Variants in PIK3CB observed in about 807,000 individuals in gnomAD.
PIK3CB encodes the protein phosphatidylinositol-4,5-bisphosphate 3-kinase catalytic subunit beta.
PIK3CB carries 39 observed loss-of-function variants against 136.8 expected under a neutral mutation model. The observed-to-expected ratio is 0.29, with a 90% CI of 0.22 to 0.37. The LOEUF is 0.37. PIK3CB is among the 10% of genes least tolerant of loss of function. The pLI is 1.00. For synonymous variants in PIK3CB, 428 were observed against 436.6 expected (o/e 0.98, Z 0.25); for missense variants, 868 against 1,275.4 (o/e 0.68, Z 4.87).
At chr3:138,662,354 A>G in intron 21 of PIK3CB, among the ~76,000 whole-genome samples, 3 of 146,426 alleles carry the variant, frequency 2.0e-5, no homozygotes, top group Admixed American at 1.4e-4. Context: ...GAGTGAGAAC[A>G]TGCGGTGTTT....
chr3:138,785,901 G>C (rs1268750586), intron 2 of PIK3CB, among the ~76,000 whole-genome samples: 1 of 150,470 alleles, frequency 6.6e-6, no homozygotes, highest in African/African-American at 2.4e-5. Flanking sequence ...AGTTTTCATA[G>C]TAACAAAAAA....
chr3:138,784,588 C>T (rs1004395188), intron 2 of PIK3CB, among the ~76,000 whole-genome samples: 1 of 152,196 alleles, frequency 6.6e-6, no homozygotes, highest in African/African-American at 2.4e-5. Flanking sequence ...CGCCGCCACG[C>T]CTGACTGGTT....
intron 1 of PIK3CB, among the ~76,000 whole-genome samples, chr3:138,811,143 C>T (rs1933026036): frequency 7.0e-6 from 1 of 142,282 alleles, no homozygotes; most frequent in African/African-American, 2.6e-5. Flanking sequence ...AGGAGACTCG[C>T]TTGAACCTGG....
chr3:138,799,684 TTGTC>T (rs2046150573), intron 1 of PIK3CB, among the ~76,000 whole-genome samples: 1 of 152,096 alleles, frequency 6.6e-6, no homozygotes, highest in African/African-American at 2.4e-5. Flanking sequence ...GTTTTTTTGT[TTGTC>T]TGTTTTTGAG....
chr3:138,660,152 C>T (rs2043269067), intron 21 of PIK3CB, among the ~76,000 whole-genome samples: 1 of 151,942 alleles, frequency 6.6e-6, no homozygotes, highest in Admixed American at 6.5e-5. Context: ...CCTGATATGT[C>T]TACTCTCTGT....
At chr3:138,800,546 G>A (rs1227068658) in intron 1 of PIK3CB, among the ~76,000 whole-genome samples, 1 of 141,390 alleles carries the variant, frequency 7.1e-6, no homozygotes, top group African/African-American at 2.8e-5. Flanking sequence ...CAAACTCCAG[G>A]GCTCAAGCAA....
At chr3:138,819,359 A>G (rs1933463616) in intron 1 of PIK3CB, among the ~76,000 whole-genome samples, 1 of 152,180 alleles carries the variant, frequency 6.6e-6, no homozygotes, top group Non-Finnish European at 1.5e-5. Flanking sequence ...AAAAAAAAAA[A>G]AAATCACTAC....
chr3:138,784,474 T>C (rs1018837750), intron 2 of PIK3CB, among the ~76,000 whole-genome samples: 1 of 152,110 alleles, frequency 6.6e-6, no homozygotes, highest in Non-Finnish European at 1.5e-5. Flanking sequence ...CTCCCTCTGA[T>C]GCCGAGCGGA....
intron 1 of PIK3CB, among the ~76,000 whole-genome samples, chr3:138,802,066 A>G (rs1015519103): frequency 6.6e-6 from 1 of 151,200 alleles, no homozygotes; most frequent in African/African-American, 2.4e-5. Flanking sequence ...AAAAAAGAAG[A>G]AAAAGAAAGA....
At chr3:138,819,208 G>A (rs948050189) in intron 1 of PIK3CB, among the ~76,000 whole-genome samples, 1 of 152,156 alleles carries the variant, frequency 6.6e-6, no homozygotes, top group African/African-American at 2.4e-5. Context: ...CTAGCCAGGC[G>A]TGGTGGCACG....
chr3:138,723,638 C>T (rs2044779298), intron 8 of PIK3CB, among the ~76,000 whole-genome samples: 1 of 152,170 alleles, frequency 6.6e-6, no homozygotes, highest in Non-Finnish European at 1.5e-5. Context: ...TCTTCACAAG[C>T]CCCAGAACAT....
At chr3:138,815,439 A>G (rs60987624) in intron 1 of PIK3CB, among the ~76,000 whole-genome samples, 5,563 of 149,644 alleles carry the variant, frequency 0.037, 376 homozygotes, top group African/African-American at 0.13. Context: ...AGAAAAAAAA[A>G]AAGAAGAAAG....
chr3:138,692,792 C>T (rs1159188763), intron 14 of PIK3CB, among the ~76,000 whole-genome samples: 1 of 152,192 alleles, frequency 6.6e-6, no homozygotes, highest in Non-Finnish European at 1.5e-5. Flanking sequence ...ACATAAGCCT[C>T]ACTTTTGAAC....
At chr3:138,782,077 T>C (rs915277100) in intron 2 of PIK3CB, among the ~76,000 whole-genome samples, 8 of 152,240 alleles carry the variant, frequency 5.3e-5, no homozygotes, top group African/African-American at 1.7e-4. Flanking sequence ...TTAAAATATA[T>C]TTAAAATTCT....
Position 138,755,730 on chromosome 3 carries a change from CTTTT to C in PIK3CB, c.397+20_397+23del. 8.7e-7 allele frequency: 1 copy of C among 1,143,076 alleles called. No individual in the cohort carries two copies. The highest frequency in any genetic ancestry group is 2.0e-4 in the Middle Eastern group (1 of 4,928). 70.8% of individuals were successfully genotyped at this position (1,143,076 alleles called of 1,614,324 possible). A position where few individuals can be genotyped will look rare whatever the true frequency, so the allele number is the denominator to read the frequency against. On this transcript the variant is annotated intron_variant, in intron 4 of 23. Transcript: ENST00000674063. ...TAAATAGATATATTAAGAATTTGTA[CTTTT>C]TTTTTATTTTTTAATTTACCTTTTC...
At chr3:138,719,235 A>ATT (rs34980826) in intron 8 of PIK3CB, among the ~76,000 whole-genome samples, 23 of 69,618 alleles carry the variant, frequency 3.3e-4, no homozygotes, top group South Asian at 6.3e-4. Flanking sequence ...TTAGCTCAGT[A>ATT]TTTTTTTTTT....
chr3:138,661,050 A>G (rs531065071), intron 21 of PIK3CB, among the ~76,000 whole-genome samples: 2 of 152,358 alleles, frequency 1.3e-5, no homozygotes, highest in South Asian at 2.1e-4. Flanking sequence ...ATGAGGGTCA[A>G]CTATACATCT....
chr3:138,792,162 T>G (rs950023888), intron 2 of PIK3CB, among the ~76,000 whole-genome samples: 1 of 151,856 alleles, frequency 6.6e-6, no homozygotes, highest in Non-Finnish European at 1.5e-5. Flanking sequence ...GCCATTGCAC[T>G]CCAGCCTGGG....
intron 1 of PIK3CB, among the ~76,000 whole-genome samples, chr3:138,805,247 T>G (rs1270862187): frequency 2.2e-4 from 26 of 119,394 alleles, no homozygotes; most frequent in East Asian, 1.3e-3. Context: ...GCAGGAGAAT[T>G]CCTTGAACCC....
Sources: allele counts gnomAD v4.1 joint callset (sites outside exome capture counted in the v4.1 genomes callset), GRCh38; gene constraint gnomAD v4.1.1; transcripts MANE v1.5; gene names NCBI Gene and HGNC (gene_info 2026-07-23, HGNC 2026-07-21).